The following CHIT1 variants were observed in gnomAD, a reference collection of about 807,000 sequenced individuals.
CHIT1 encodes chitotriosidase-1.
In CHIT1, 47 loss-of-function variants were observed where a neutral mutation model predicts 52.0. The ratio of observed to expected loss-of-function variants is 0.90; its 90% CI spans 0.71 to 1.15. The LOEUF is 1.15. Among genes scored for constraint, CHIT1 ranks in the 50% most tolerant of loss-of-function variants. The pLI, the probability that CHIT1 is intolerant of heterozygous loss-of-function variation, is 0.00. For synonymous variants in CHIT1, 242 were observed against 228.2 expected, an observed-to-expected ratio of 1.06 and a Z score of -0.54; for missense variants, 569 against 583.0, an observed-to-expected ratio of 0.98 and a Z score of 0.25.
rs1344197327 is a variant in CHIT1 at position 203,219,289 on chromosome 1, T to C, written c.956A>G (p.Asp319Gly). Residue 319 changes from aspartate (D) to glycine (G), a missense_variant, in exon 9 of 11, where the codon GAT (aspartate) becomes GGT (glycine). Transcript: ENST00000367229. ...CCGGAAGATGTAGGGCACCTTCTGATCCTGGATTCTCTGTTTGGTGGCCCC... is the reference window on the plus strand; with the variant it reads ...CCGGAAGATGTAGGGCACCTTCTGACCCTGGATTCTCTGTTTGGTGGCCCC... ...WKGATKQRIQ[D>G]QKVPYIFRDN... The C allele has an allele frequency of 6.2e-7, 1 of 1,612,996 alleles. No homozygotes were observed. The highest frequency in any genetic ancestry group is 1.3e-5 in the African/African-American group (1 of 75,032).
At chr1:203,217,935 C>T (rs1200024484) in intron 9 of CHIT1, 70 bp from the exon 10 acceptor site, 2 of 1,556,754 alleles carry the variant, frequency 1.3e-6, no homozygotes, top group Non-Finnish European at 1.7e-6. Flanking sequence ...GCCTGGCTAC[C>T]TCTTCTGGAC....
chr1:203,219,304 T>A lies in CHIT1; in HGVS notation c.941A>T (p.Lys314Ile). The A allele has an allele frequency of 6.2e-7, 1 of 1,611,902 alleles. No homozygotes were observed. The highest frequency in any genetic ancestry group is 1.1e-5 in the South Asian group (1 of 91,050). Residue 314 changes from lysine (K) to isoleucine (I), a missense_variant, in exon 9 of 11, where the codon AAA (lysine) becomes ATA (isoleucine). Physicochemically the swap from Lys to Ile is moderately radical, Grantham distance 102. Coordinates refer to ENST00000367229, the MANE Select transcript of CHIT1 (RefSeq NM_003465.3). ...YEVCSWKGAT[K>I]QRIQDQKVPY... ...CACCTTCTGATCCTGGATTCTCTGT[T>A]TGGTGGCCCCCTTCCAGGAGCAGAC...
intron 3 of CHIT1, 53 bp from the exon 4 acceptor site, chr1:203,225,157 C>G: frequency 6.4e-7 from 1 of 1,566,940 alleles, no homozygotes; most frequent in South Asian, 1.1e-5. Flanking sequence ...CCCAGGGCAC[C>G]CTGGCAGGGA....
rs936359070 is a variant in CHIT1 at position 203,225,817 on chromosome 1, C to T, written c.109G>A (p.Gly37Arg). The change falls in exon 3 of 11, where the codon GGG becomes AGG. Residue 37 changes from glycine (G) to arginine (R), a missense_variant. Coordinates refer to ENST00000367229, the MANE Select transcript of CHIT1 (RefSeq NM_003465.3). ...TCCTTGGGCAGGAAGCGAGCCTCCC[C>T]CTGTCTGTACTGGGCCCAGTTGGTG... is the stretch of plus-strand genomic sequence containing the variant. ...YFTNWAQYRQ[G>R]EARFLPKDLD... is the part of the protein sequence containing the mutation. 3.1e-6 allele frequency: 5 copies of T among 1,614,148 alleles called. No homozygotes were observed. Among genetic ancestry groups the T allele is most frequent in the Non-Finnish European group, 4.2e-6 (5 of 1,180,036 alleles).
chr1:203,221,454 C>A (rs537382460), intron 7 of CHIT1, among the ~76,000 whole-genome samples: 1 of 151,994 alleles, frequency 6.6e-6, no homozygotes, highest in East Asian at 1.9e-4. Flanking sequence ...GGCAATATAG[C>A]AAGACTCCAT....
rs137954453 is a variant in CHIT1 at position 203,217,862 on chromosome 1, T to C, written c.1033A>G (p.Ser345Gly). Reference protein sequence around the residue: ...DDVESFKTKVSYLKQKGLGGA... With the variant: ...DDVESFKTKVGYLKQKGLGGA... ...CCCAGTCCCTTCTGCTTCAGATAGC[T>C]GACCTGTGCAGGGAGGGGATGCAGT... Residue 345 changes from serine (S) to glycine (G), a missense_variant, in exon 10 of 11, where the codon AGC becomes GGC. Transcript: ENST00000367229. 2.5e-4 allele frequency: 294 copies of C among 1,155,918 alleles called. No homozygotes were observed. In the African/African-American group the frequency reaches 3.5e-3, roughly 14 times the overall value. 71.6% of individuals were successfully genotyped at this position (1,155,918 alleles called of 1,614,324 possible).
chr1:203,223,357 T>C, intron 5 of CHIT1, 98 bp from the exon 6 acceptor site: 1 of 1,607,340 alleles, frequency 6.2e-7, no homozygotes. Context: ...GTCTGAGAGC[T>C]GGCCACAGGG....
chr1:203,225,321 A>G (rs934021251), intron 3 of CHIT1, among the ~76,000 whole-genome samples: 3 of 152,112 alleles, frequency 2.0e-5, no homozygotes, highest in Non-Finnish European at 4.4e-5. Flanking sequence ...GGGCTCAGGA[A>G]GCAAGGATTG....
intron 10 of CHIT1, among the ~76,000 whole-genome samples, chr1:203,217,530 G>T (rs1656577209): frequency 6.6e-6 from 1 of 152,234 alleles, no homozygotes; most frequent in Admixed American, 6.5e-5. Context: ...GGCAGGCATT[G>T]CTACAACCAG....
intron 2 of CHIT1, 135 bp from the exon 3 acceptor site, chr1:203,226,005 C>G (rs1656917375): frequency 1.1e-6 from 1 of 933,064 alleles, no homozygotes; most frequent in African/African-American, 1.6e-5. Flanking sequence ...ACCCGACAGG[C>G]AGAAATGGCA....
chr1:203,229,604 C>A lies in CHIT1; in HGVS notation c.25+8G>T, dbSNP rs16851144. 178 of 1,614,042 alleles carry A rather than the reference C, an allele frequency of 1.1e-4. No individual in the cohort carries two copies. The African/African-American group carries it at 2.0e-3, about 18-fold the overall frequency. ...TCCCGAGACCCAGCCCACTATCCGA[C>A]GGCTCACCTGCCCAGGCCACAGACC... On this transcript the variant is annotated splice_region_variant and intron_variant, in intron 1 of 10. Transcript: ENST00000367229.
At chr1:203,219,466 G>A in intron 8 of CHIT1, 137 bp from the exon 9 acceptor site, 2 of 865,566 alleles carry the variant, frequency 2.3e-6, no homozygotes, top group Non-Finnish European at 3.9e-6. Flanking sequence ...TCTTTGCAGT[G>A]ACCTAGAATT....
At chr1:203,229,713 G>A (rs375445198), upstream of CHIT1, 176 of 1,569,066 alleles carry the variant, frequency 1.1e-4, no homozygotes, top group African/African-American at 2.2e-3. Flanking sequence ...TGGCCACCCT[G>A]TCCCACCCCA....
upstream of CHIT1, chr1:203,229,741 C>G: frequency 7.4e-7 from 1 of 1,347,248 alleles, no homozygotes; most frequent in Non-Finnish European, 1.1e-6. Flanking sequence ...GTGTTGCAAT[C>G]AGGGGCACTG....
Position 203,216,794 on chromosome 1 carries a change from A to C in CHIT1, c.*95T>G, listed in dbSNP as rs574687034. ...GGAAGACCACAGAAAGGCCTGCAGG[A>C]GCCAGATTGCGGCCCCCAGGGAAAA... On this transcript the variant is annotated 3_prime_UTR_variant, in exon 11 of 11. Coordinates refer to ENST00000367229, the MANE Select transcript of CHIT1 (RefSeq NM_003465.3). The C allele has an allele frequency of 2.0e-6, 3 of 1,535,352 alleles. No homozygotes were observed. In the Admixed American group the frequency reaches 5.0e-5, roughly 26 times the overall value.
intron 9 of CHIT1, chr1:203,218,143 C>G: frequency 7.0e-7 from 1 of 1,419,188 alleles, no homozygotes; most frequent in Non-Finnish European, 9.3e-7. Context: ...GTGTGCACCT[C>G]CCTAAGTGGG....
In CHIT1 at chr1:203,216,812, A is replaced by G. The variant is rs772758453; in HGVS notation, c.*77T>C. On this transcript the variant is annotated 3_prime_UTR_variant, in exon 11 of 11. Coordinates refer to ENST00000367229, the MANE Select transcript of CHIT1 (RefSeq NM_003465.3). ...CTGCAGGAGCCAGATTGCGGCCCCCAGGGAAAACCCAGGAGGCAGGCTGTA... is the reference window on the plus strand; with the variant it reads ...CTGCAGGAGCCAGATTGCGGCCCCCGGGGAAAACCCAGGAGGCAGGCTGTA... 1 of 1,595,568 alleles carries G rather than the reference A, an allele frequency of 6.3e-7. No homozygotes were observed. The highest frequency in any genetic ancestry group is 8.6e-7 in the Non-Finnish European group (1 of 1,165,698).
chr1:203,225,275 C>T (rs1360541389), intron 3 of CHIT1, among the ~76,000 whole-genome samples, 171 bp from the exon 4 acceptor site: 2 of 152,032 alleles, frequency 1.3e-5, no homozygotes, highest in Non-Finnish European at 2.9e-5. Context: ...AGGGAAGTCA[C>T]GTTCCTGACT....
Position 203,224,362 on chromosome 1 carries a change from G to A in CHIT1, c.314+686C>T, listed in dbSNP as rs186520266. On this transcript the variant is annotated intron_variant, in intron 4 of 10. Transcript: ENST00000367229. ...TTTTATTTTTATTAATTTAGTCCGA[G>A]GACACCAGGCTAAAAACTCCTGCTG... is the stretch of plus-strand genomic sequence containing the variant. Among the ~76,000 whole-genome samples, 53 of 152,160 alleles carry A rather than the reference G, an allele frequency of 3.5e-4. No individual in the cohort carries two copies. The East Asian group carries it at 0.01, about 29-fold the overall frequency.
Sources: allele counts gnomAD v4.1 joint callset (sites outside exome capture counted in the v4.1 genomes callset), GRCh38; gene constraint gnomAD v4.1.1; transcripts MANE v1.5; gene names NCBI Gene and HGNC (gene_info 2026-07-23, HGNC 2026-07-21).